Variants in UNC13C observed in about 807,000 individuals in gnomAD.
The protein encoded by UNC13C is unc-13 homolog C.
UNC13C carries 174 observed loss-of-function variants against 245.4 expected under a neutral mutation model. The ratio of observed to expected loss-of-function variants is 0.71; its 90% confidence interval spans 0.63 to 0.80. The LOEUF is 0.80. Ranked by LOEUF, UNC13C falls within the 30% of genes least tolerant of loss-of-function variation. The pLI, the probability that UNC13C is intolerant of heterozygous loss-of-function variation, is 0.00. For synonymous variants in UNC13C, 992 were observed against 895.1 expected (o/e 1.11, Z -1.93); for missense variants, 2,829 against 2,602.9 (o/e 1.09, Z -1.89).
intron 10 of UNC13C, among the ~76,000 whole-genome samples, chr15:54,276,409 T>C (rs1464397328): frequency 1.3e-5 from 2 of 152,094 alleles, no homozygotes; most frequent in Non-Finnish European, 2.9e-5. Context: ...TTCAAGATGA[T>C]ATAAAATTGC....
the UNC13C span, among the ~76,000 whole-genome samples, chr15:53,908,954 T>G: frequency 6.8e-6 from 1 of 146,424 alleles, no homozygotes; most frequent in African/African-American, 2.4e-5. Context: ...TAATCATTGG[T>G]TCAACATATC....
intron 10 of UNC13C, among the ~76,000 whole-genome samples, chr15:54,280,697 T>C (rs927295607): frequency 1.7e-5 from 1 of 58,816 alleles, no homozygotes; most frequent in Non-Finnish European, 2.9e-5. Context: ...TATAAACATA[T>C]GTATACATAC....
intron 17 of UNC13C, among the ~76,000 whole-genome samples, chr15:54,389,696 T>C (rs188754349): frequency 4.6e-4 from 70 of 152,094 alleles, no homozygotes; most frequent in African/African-American, 1.6e-3. Flanking sequence ...ATCTGTCATG[T>C]GGTTTTGTGT....
chr15:54,321,888 T>TTCATAC, intron 13 of UNC13C, 51 bp from the exon 14 acceptor site: 2 of 1,507,142 alleles, frequency 1.3e-6, no homozygotes, highest in Non-Finnish European at 1.8e-6. Context: ...TGTTGTTGTA[T>TTCATAC]GAATTAATTA....
Position 54,553,389 on chromosome 15 carries a change from AG to A in UNC13C, c.5878-2042del, listed in dbSNP as rs1222665298. On this transcript the variant is annotated intron_variant, in intron 28 of 32. Transcript: ENST00000260323. ...ATATAATTATATTATATTATGTATT[AG>A]TATATTATATTATATATTGTAATAT... is the stretch of plus-strand genomic sequence containing the variant. Among the ~76,000 whole-genome samples the A allele has an allele frequency of 1.5e-5, 2 of 129,702 alleles. 1 individual carries two copies. The highest frequency in any genetic ancestry group is 3.1e-5 in the Non-Finnish European group (2 of 63,992). 85.1% of individuals were successfully genotyped at this position (129,702 alleles called of 152,430 possible).
intron 30 of UNC13C, among the ~76,000 whole-genome samples, chr15:54,596,889 C>G (rs913571920): frequency 6.6e-6 from 1 of 152,138 alleles, no homozygotes; most frequent in Non-Finnish European, 1.5e-5. Flanking sequence ...GCTAGTGGTG[C>G]CATGCTTGTA....
intron 17 of UNC13C, among the ~76,000 whole-genome samples, chr15:54,339,640 G>GATATATATATATAT (rs61353129): frequency 2.7e-5 from 4 of 149,584 alleles, no homozygotes; most frequent in African/African-American, 1.0e-4. Flanking sequence ...ATTATGTGGA[G>GATATATATATATAT]ATATATATAT....
chr15:54,050,875 C>T, intron 2 of UNC13C: 1 of 558,736 alleles, frequency 1.8e-6, no homozygotes. Context: ...TCTTCAGTCT[C>T]ATGACTCCAC....
intron 29 of UNC13C, among the ~76,000 whole-genome samples, chr15:54,558,819 T>G (rs1211058886): frequency 6.6e-6 from 1 of 151,916 alleles, no homozygotes. Context: ...AGACAGATAA[T>G]CAGTCACCCA....
chr15:54,013,691 T>A lies in UNC13C; in HGVS notation c.788T>A (p.Leu263Gln), dbSNP rs1300397403. 3.1e-6 allele frequency: 5 copies of A among 1,613,728 alleles called. No individual in the cohort carries two copies. Among genetic ancestry groups the A allele is most frequent in the Non-Finnish European group, 4.2e-6 (5 of 1,179,804 alleles). The change falls in exon 2 of 33, where the codon CTA becomes CAA. Residue 263 changes from leucine (L) to glutamine (Q), a missense_variant. By Grantham distance (113) the Leu-to-Gln change is moderately radical. Coordinates refer to ENST00000260323, the MANE Select transcript of UNC13C (RefSeq NM_001080534.3). ...ISQIETELSE[L>Q]RGHVNALKHS... The stretch of plus-strand genomic sequence containing the variant: ...CAGATTGAAACAGAACTTTCTGAAC[T>A]ACGAGGGCACGTCAATGCTCTCAAG...
intron 4 of UNC13C, among the ~76,000 whole-genome samples, chr15:54,187,167 A>T (rs1477771477): frequency 6.6e-6 from 1 of 152,104 alleles, no homozygotes; most frequent in Non-Finnish European, 1.5e-5. Flanking sequence ...GTAATTCTTT[A>T]AATTAGATCA....
intron 13 of UNC13C, among the ~76,000 whole-genome samples, chr15:54,305,975 A>C (rs1034040527): frequency 9.9e-5 from 15 of 151,944 alleles, no homozygotes; most frequent in Non-Finnish European, 2.9e-5. Context: ...GCACATTCCC[A>C]TTTCTTTGAA....
At chr15:54,365,051 C>T (rs1338722034) in intron 17 of UNC13C, among the ~76,000 whole-genome samples, 3 of 151,376 alleles carry the variant, frequency 2.0e-5, no homozygotes, top group African/African-American at 7.3e-5. Context: ...TTTTGACAGC[C>T]TTTTTTTTTC....
At chr15:54,235,837 G>A (rs1036462464) in intron 5 of UNC13C, among the ~76,000 whole-genome samples, 2 of 152,078 alleles carry the variant, frequency 1.3e-5, no homozygotes, top group Non-Finnish European at 2.9e-5. Context: ...GTGACAGAGC[G>A]AGACTCCGTC....
chr15:53,848,225 T>G, the UNC13C span, among the ~76,000 whole-genome samples: 1 of 152,128 alleles, frequency 6.6e-6, no homozygotes, highest in Non-Finnish European at 1.5e-5. Flanking sequence ...TGGTTTTATA[T>G]TTTTCTTTCT....
intron 17 of UNC13C, among the ~76,000 whole-genome samples, chr15:54,368,247 C>G (rs2039410277): frequency 6.6e-6 from 1 of 152,092 alleles, no homozygotes; most frequent in Non-Finnish European, 1.5e-5. Context: ...GTCATGTTAT[C>G]TAAAGAATGA....
chr15:54,071,526 G>A (rs985886813), intron 2 of UNC13C, among the ~76,000 whole-genome samples: 1 of 151,982 alleles, frequency 6.6e-6, no homozygotes, highest in African/African-American at 2.4e-5. Flanking sequence ...AAAAAAATGA[G>A]ACTCCATATG....
chr15:54,334,425 A>T (rs2038520635), intron 16 of UNC13C, among the ~76,000 whole-genome samples: 1 of 152,110 alleles, frequency 6.6e-6, no homozygotes, highest in South Asian at 2.1e-4. Context: ...TTGCAGTGCA[A>T]CTTATGTAAA....
At chr15:54,237,817 G>A in intron 7 of UNC13C, 127 bp downstream of exon 7, 1 of 792,542 alleles carries the variant, frequency 1.3e-6, no homozygotes, top group Non-Finnish European at 2.0e-6. Flanking sequence ...CTGGGAGCAT[G>A]AGGAAAGCCT....
Sources: gnomAD v4.1 joint callset for allele counts (sites outside exome capture counted in the v4.1 genomes callset) on GRCh38, gnomAD v4.1.1 for gene constraint, MANE v1.5 for transcripts, NCBI Gene and HGNC (gene_info 2026-07-23, HGNC 2026-07-21) for gene names.